Variants in PLD1 observed in about 807,000 individuals in gnomAD.
PLD1 encodes the protein phospholipase D1.
A neutral mutation model predicts 137.1 loss-of-function variants in PLD1; 112 were observed. The observed-to-expected ratio is 0.82, with a 90% confidence interval of 0.70 to 0.96. PLD1 has a LOEUF of 0.96. Ranked by LOEUF, PLD1 falls within the 40% of genes least tolerant of loss-of-function variation. The pLI, the probability that PLD1 is intolerant of heterozygous loss-of-function variation, is 0.00. For synonymous variants in PLD1, 431 were observed against 454.7 expected, an observed-to-expected ratio of 0.95 and a Z score of 0.66; for missense variants, 1,321 against 1,342.0, an observed-to-expected ratio of 0.98 and a Z score of 0.24.
intron 23 of PLD1, among the ~76,000 whole-genome samples, chr3:171,640,707 G>A (rs561119224): frequency 6.6e-6 from 1 of 152,260 alleles, no homozygotes; most frequent in Non-Finnish European, 1.5e-5. Flanking sequence ...AGAGCTTAGG[G>A]CCTTCTCAAT....
chr3:171,753,973 C>T (rs1720845328), intron 1 of PLD1, among the ~76,000 whole-genome samples: 1 of 152,164 alleles, frequency 6.6e-6, no homozygotes, highest in Admixed American at 6.5e-5. Context: ...CCTCCAACCC[C>T]ATCTTTGCCT....
At chr3:171,700,503 G>T (rs1289694308) in intron 11 of PLD1, among the ~76,000 whole-genome samples, 1 of 152,074 alleles carries the variant, frequency 6.6e-6, no homozygotes, top group East Asian at 1.9e-4. Flanking sequence ...AAATTCTAAG[G>T]GGAAGACCAT....
At chr3:171,678,845 A>C (rs1157740240) in intron 16 of PLD1, among the ~76,000 whole-genome samples, 1 of 152,028 alleles carries the variant, frequency 6.6e-6, no homozygotes, top group Admixed American at 6.6e-5. Context: ...CATGCAAATC[A>C]CGTGTTTCAC....
chr3:171,606,900 TC>T (rs1367247985), intron 25 of PLD1, among the ~76,000 whole-genome samples: 1 of 152,180 alleles, frequency 6.6e-6, no homozygotes, highest in Non-Finnish European at 1.5e-5. Context: ...GAATTAGAAT[TC>T]CTGGGTCAGA....
chr3:171,713,093 T>C (rs2108574614), intron 9 of PLD1, among the ~76,000 whole-genome samples: 1 of 152,326 alleles, frequency 6.6e-6, no homozygotes, highest in African/African-American at 2.4e-5. Context: ...ATAACTACAA[T>C]CTTCCAGAAA....
intron 11 of PLD1, among the ~76,000 whole-genome samples, chr3:171,703,982 C>CAG (rs1490379375): frequency 6.6e-6 from 1 of 152,180 alleles, no homozygotes; most frequent in African/African-American, 2.4e-5. Flanking sequence ...AAGCACATTG[C>CAG]AGAGCACAGT....
chr3:171,739,695 G>A (rs1160033411), intron 1 of PLD1, among the ~76,000 whole-genome samples: 1 of 152,132 alleles, frequency 6.6e-6, no homozygotes, highest in African/African-American at 2.4e-5. Context: ...AGCATGACAG[G>A]AGTTTGCCAT....
chr3:171,659,248 G>A lies in PLD1; in HGVS notation c.2394C>T (p.Gly798=), dbSNP rs961516193. The change falls in exon 21 of 27, where the codon GGC becomes GGT. Residue 798 remains glycine, a synonymous_variant. Transcript: ENST00000351298. The part of the protein sequence containing the change: ...ADDKVVFNKI[G]DAIAQRILKA... ...TCAGGATCCTCTGGGCAATGGCATCGCCTATCTTGTTGAACACAACTTTGT... is the reference window on the plus strand; with the variant it reads ...TCAGGATCCTCTGGGCAATGGCATCACCTATCTTGTTGAACACAACTTTGT... The A allele has an allele frequency of 1.5e-5, 25 of 1,613,476 alleles. No individual in the cohort carries two copies. The highest frequency in any genetic ancestry group is 2.2e-5 in the East Asian group (1 of 44,878).
intron 1 of PLD1, among the ~76,000 whole-genome samples, chr3:171,777,566 GT>G (rs1279286150): frequency 2.6e-5 from 4 of 152,026 alleles, no homozygotes; most frequent in African/African-American, 9.7e-5. Context: ...CCTGTTTTTT[GT>G]GTTGCTCTCA....
chr3:171,623,997 CA>C (rs369934863), intron 23 of PLD1, among the ~76,000 whole-genome samples: 6,403 of 65,364 alleles, frequency 0.098, 240 homozygotes, highest in African/African-American at 0.23. Context: ...TATCCAGAGG[CA>C]AAAAAAAAAA....
At chr3:171,627,326 T>A (rs1272191656) in intron 23 of PLD1, among the ~76,000 whole-genome samples, 1 of 152,034 alleles carries the variant, frequency 6.6e-6, no homozygotes, top group Non-Finnish European at 1.5e-5. Context: ...TAAATATATA[T>A]GCACCCAATA....
At chr3:171,710,258 T>C (rs971319841) in intron 9 of PLD1, among the ~76,000 whole-genome samples, 3 of 152,082 alleles carry the variant, frequency 2.0e-5, no homozygotes, top group African/African-American at 7.2e-5. Flanking sequence ...AGACGGGGTT[T>C]CACCGTGTTA....
chr3:171,801,477 G>A lies in PLD1; in HGVS notation c.-32+8922C>T, dbSNP rs185306053. Among the ~76,000 whole-genome samples, 388 of 152,332 alleles carry A rather than the reference G, an allele frequency of 2.5e-3. No individual in the cohort carries two copies. In the Middle Eastern group the frequency reaches 0.027, roughly 11 times the overall value. On this transcript the variant is annotated intron_variant, in intron 1 of 26. Coordinates refer to ENST00000351298, the MANE Select transcript of PLD1 (RefSeq NM_002662.5). ...GGAGTCTCGCTCTGTCACCCAGGCT[G>A]GAGTGCTATGGCACGATCTCAGCTC...
chr3:171,628,620 C>T (rs1226968666), intron 23 of PLD1, among the ~76,000 whole-genome samples: 5 of 151,750 alleles, frequency 3.3e-5, no homozygotes, highest in African/African-American at 9.7e-5. Context: ...CAATAAAATA[C>T]TGGCAAACCG....
chr3:171,611,783 T>C, intron 25 of PLD1: 2 of 378,482 alleles, frequency 5.3e-6, no homozygotes, highest in Non-Finnish European at 1.0e-5. Context: ...GGTCTAGTCC[T>C]AATTCAGTTA....
At chr3:171,654,622 A>G (rs1737043642) in intron 21 of PLD1, among the ~76,000 whole-genome samples, 1 of 152,136 alleles carries the variant, frequency 6.6e-6, no homozygotes, top group Non-Finnish European at 1.5e-5. Flanking sequence ...AGTTGGTCCT[A>G]TCTTTTGGCT....
chr3:171,661,769 T>G (rs1389686420), intron 20 of PLD1, among the ~76,000 whole-genome samples: 8 of 152,188 alleles, frequency 5.3e-5, no homozygotes, highest in Non-Finnish European at 1.5e-5. Flanking sequence ...TACCTATCCA[T>G]GTTGGGGTAT....
intron 1 of PLD1, among the ~76,000 whole-genome samples, chr3:171,764,895 G>GAAAGAAA (rs1553845930): frequency 4.6e-5 from 1 of 21,922 alleles, no homozygotes; most frequent in African/African-American, 1.9e-4. Flanking sequence ...AAGAAAGAAA[G>GAAAGAAA]GAAGGAAGGA....
In PLD1 at chr3:171,730,320, C is replaced by A. The variant is rs528471973; in HGVS notation, c.606+3124G>T. Among the ~76,000 whole-genome samples, 82 of 150,918 alleles carry A rather than the reference C, an allele frequency of 5.4e-4. 1 individual carries two copies. In the South Asian group the frequency reaches 0.017, roughly 31 times the overall value. On this transcript the variant is annotated intron_variant, in intron 6 of 26. Coordinates refer to ENST00000351298, the MANE Select transcript of PLD1 (RefSeq NM_002662.5). Reference sequence around the variant, plus strand: ...CATTTGTCCCCATTTTACAAATGAGCAAAGAAAACTGAACAAATCACCAAT... The same window carrying A: ...CATTTGTCCCCATTTTACAAATGAGAAAAGAAAACTGAACAAATCACCAAT...
Sources: gnomAD v4.1 joint callset for allele counts (sites outside exome capture counted in the v4.1 genomes callset) on GRCh38, gnomAD v4.1.1 for gene constraint, MANE v1.5 for transcripts, NCBI Gene and HGNC (gene_info 2026-07-23, HGNC 2026-07-21) for gene names.